The following GARIN1A variants were observed in gnomAD, a reference collection of about 807,000 sequenced individuals.
The protein encoded by GARIN1A is Golgi-associated RAB2 interactor protein 1A.
At chr7:128,679,296 G>A in the GARIN1A span, among the ~76,000 whole-genome samples, 161 of 151,996 alleles carry the variant, frequency 1.1e-3, 1 homozygote, top group African/African-American at 2.9e-3. Flanking sequence ...AGGTTCAAGC[G>A]ATTCTCCTGC....
chr7:128,675,934 G>C, the GARIN1A span: 1 of 1,100,586 alleles, frequency 9.1e-7, no homozygotes, highest in Non-Finnish European at 1.4e-6. Flanking sequence ...CTGGATTTTA[G>C]ATCAAAAGAA....
the GARIN1A span, chr7:128,675,954 T>C: frequency 8.6e-6 from 7 of 814,798 alleles, no homozygotes; most frequent in Non-Finnish European, 1.4e-5. Flanking sequence ...AAAGATAGCG[T>C]TCTTTAGTGC....
the GARIN1A span, among the ~76,000 whole-genome samples, chr7:128,674,069 T>C: frequency 6.6e-6 from 1 of 152,100 alleles, no homozygotes; most frequent in Non-Finnish European, 1.5e-5. Flanking sequence ...AATTTTTTTG[T>C]GTTTTAGTAG....
At chr7:128,698,385 G>A in the GARIN1A span, among the ~76,000 whole-genome samples, 1 of 151,990 alleles carries the variant, frequency 6.6e-6, no homozygotes, top group Non-Finnish European at 1.5e-5. Context: ...CGAGTCCTGG[G>A]CAGCCTCTCC....
chr7:128,699,706 A>G, the GARIN1A span, among the ~76,000 whole-genome samples: 1 of 152,160 alleles, frequency 6.6e-6, no homozygotes, highest in East Asian at 1.9e-4. Flanking sequence ...TGTTGGGTGT[A>G]GTGTTCTCTG....
chr7:128,676,423 ATG>A, the GARIN1A span, among the ~76,000 whole-genome samples: 26 of 148,600 alleles, frequency 1.7e-4, no homozygotes, highest in African/African-American at 5.2e-4. Flanking sequence ...TTTTCTGTAA[ATG>A]TGTGTGTGTG....
chr7:128,672,396 C>T, the GARIN1A span: 589,310 of 1,601,234 alleles, frequency 0.37, 110,598 homozygotes, highest in South Asian at 0.47. Context: ...TACCAAGAAC[C>T]AATGAGTAAA....
chr7:128,672,663 G>A, the GARIN1A span: 4 of 617,626 alleles, frequency 6.5e-6, no homozygotes, highest in South Asian at 2.1e-5. Context: ...GGGGGCGGGG[G>A]GACAAAGAAG....
chr7:128,703,910 A>C, the GARIN1A span, among the ~76,000 whole-genome samples: 1 of 152,312 alleles, frequency 6.6e-6, no homozygotes, highest in Admixed American at 6.5e-5. Context: ...AGGTGACTCG[A>C]CGTTGGAGGA....
chr7:128,701,556 A>AATTCTGATTG, the GARIN1A span, among the ~76,000 whole-genome samples: 1 of 152,042 alleles, frequency 6.6e-6, no homozygotes, highest in South Asian at 2.1e-4. Flanking sequence ...AGTCTAAGCT[A>AATTCTGATTG]ATTCTGATTG....
the GARIN1A span, among the ~76,000 whole-genome samples, chr7:128,679,648 A>G: frequency 6.6e-6 from 1 of 152,144 alleles, no homozygotes; most frequent in Non-Finnish European, 1.5e-5. Context: ...CACAGGAAGG[A>G]AGGCCAATAG....
At chr7:128,672,444 C>G in the GARIN1A span, 1 of 1,609,166 alleles carries the variant, frequency 6.2e-7, no homozygotes, top group Non-Finnish European at 8.5e-7. Context: ...GAACCAGGCC[C>G]TGGAGTGGAA....
chr7:128,677,623 G>T, the GARIN1A span: 14 of 1,613,680 alleles, frequency 8.7e-6, no homozygotes, highest in African/African-American at 1.3e-5. Flanking sequence ...CGCATCCTGA[G>T]GGTTAGGACA....
the GARIN1A span, chr7:128,683,229 A>G: frequency 6.5e-6 from 8 of 1,227,538 alleles, no homozygotes; most frequent in Middle Eastern, 2.8e-4. Flanking sequence ...CTCCTTTTCC[A>G]CTGTGAGCCA....
the GARIN1A span, among the ~76,000 whole-genome samples, chr7:128,707,597 A>G: frequency 6.6e-6 from 1 of 151,930 alleles, no homozygotes; most frequent in Admixed American, 6.6e-5. Context: ...CTGGGAACAC[A>G]GGCCCTGCTA....
chr7:128,700,974 C>A, the GARIN1A span, among the ~76,000 whole-genome samples: 1 of 151,282 alleles, frequency 6.6e-6, no homozygotes, highest in African/African-American at 2.4e-5. Flanking sequence ...TTGGCTCCCC[C>A]ACAGATACCA....
chr7:128,700,241 T>A, the GARIN1A span, among the ~76,000 whole-genome samples: 1 of 152,024 alleles, frequency 6.6e-6, no homozygotes, highest in African/African-American at 2.4e-5. Context: ...CTTTCTTTAG[T>A]ACTGACATTT....
At chr7:128,693,247 A>G in the GARIN1A span, among the ~76,000 whole-genome samples, 4 of 152,262 alleles carry the variant, frequency 2.6e-5, no homozygotes, top group Admixed American at 2.0e-4. Context: ...TATCCATTAC[A>G]TGCAAAGAAA....
chr7:128,699,095 CTT>C, the GARIN1A span, among the ~76,000 whole-genome samples: 4 of 152,118 alleles, frequency 2.6e-5, no homozygotes, highest in African/African-American at 7.2e-5. Flanking sequence ...ATCTCTAACT[CTT>C]TGTCTCTTAT....
Sources: gnomAD v4.1 joint callset for allele counts (sites outside exome capture counted in the v4.1 genomes callset) on GRCh38, gnomAD v4.1.1 for gene constraint, MANE v1.5 for transcripts, NCBI Gene and HGNC (gene_info 2026-07-23, HGNC 2026-07-21) for gene names.